Variants in KCNB2 observed in about 807,000 individuals in gnomAD.
KCNB2 encodes the protein delayed rectifier potassium channel protein.
In KCNB2, 15 loss-of-function variants were observed where a neutral mutation model predicts 61.5. The ratio of observed to expected loss-of-function variants is 0.24; its 90% CI spans 0.16 to 0.38. The LOEUF is 0.38. KCNB2 is among the 10% of genes least tolerant of loss of function. KCNB2 has a pLI of 1.00. For synonymous variants in KCNB2, 457 were observed against 446.0 expected (o/e 1.02, Z -0.31); for missense variants, 828 against 1,125.2 (o/e 0.74, Z 3.78).
At chr8:72,651,268 A>G (rs1806207191) in intron 2 of KCNB2, among the ~76,000 whole-genome samples, 1 of 152,154 alleles carries the variant, frequency 6.6e-6, no homozygotes, top group South Asian at 2.1e-4. Context: ...AATTTGACCT[A>G]TAGTTGATTA....
chr8:72,636,601 C>T (rs1371006525), intron 2 of KCNB2, among the ~76,000 whole-genome samples: 15 of 152,088 alleles, frequency 9.9e-5, no homozygotes, highest in African/African-American at 3.4e-4. Context: ...GTTGGAAATA[C>T]GTGGCTCAGA....
rs755487896 is a variant in KCNB2 at position 72,937,838 on chromosome 8, A to T, written c.2483A>T (p.Asp828Val). Residue 828 changes from aspartate to valine, a missense_variant, in exon 3 of 3, where the codon GAC (aspartate) becomes GTC (valine). Physicochemically the swap from Asp to Val is radical, Grantham distance 152. Transcript: ENST00000523207. The stretch of plus-strand genomic sequence containing the variant: ...GGGGCAAGGGAGGAGAAGCAGGTGG[A>T]CTCCAGCCCAAATTGCTTTGCAGAT... ...LPGAREEKQV[D>V]SSPNCFADKP... 6.2e-7 allele frequency: 1 copy of T among 1,613,936 alleles called. No individual in the cohort carries two copies. Among genetic ancestry groups the T allele is most frequent in the East Asian group, 2.2e-5 (1 of 44,846 alleles).
chr8:72,692,207 G>A (rs1163867173), intron 2 of KCNB2, among the ~76,000 whole-genome samples: 2 of 133,590 alleles, frequency 1.5e-5, no homozygotes, highest in Non-Finnish European at 3.1e-5. Context: ...CTGCACTCCA[G>A]CCTGGGTGAC....
chr8:72,847,030 G>T (rs78269982), intron 2 of KCNB2, among the ~76,000 whole-genome samples: 1 of 152,138 alleles, frequency 6.6e-6, no homozygotes, highest in African/African-American at 2.4e-5. Flanking sequence ...ATGATAGACT[G>T]GATTAAGAAA....
Position 72,548,167 on chromosome 8 carries a change from AC to A in KCNB2, c.-94+10284del, listed in dbSNP as rs527762448. Among the ~76,000 whole-genome samples the A allele has an allele frequency of 8.5e-5, 13 of 152,324 alleles. No homozygotes were observed. The East Asian group carries it at 2.5e-3, about 29-fold the overall frequency. On this transcript the variant is annotated intron_variant, in intron 1 of 2. Transcript: ENST00000523207. ...AATACTACAGTATTTTATAAACATTACCTTTACATGCACTGGGAAACCAAAT... is the reference window on the plus strand; with the variant it reads ...AATACTACAGTATTTTATAAACATTACTTTACATGCACTGGGAAACCAAAT...
intron 2 of KCNB2, among the ~76,000 whole-genome samples, chr8:72,752,489 A>G (rs1257995129): frequency 6.6e-6 from 1 of 152,134 alleles, no homozygotes; most frequent in Non-Finnish European, 1.5e-5. Context: ...TTTCTCCCTC[A>G]CTGCTGGAGC....
intron 1 of KCNB2, among the ~76,000 whole-genome samples, chr8:72,550,802 C>G (rs893482114): frequency 2.0e-5 from 3 of 152,042 alleles, no homozygotes; most frequent in Non-Finnish European, 4.4e-5. Context: ...GATGGCAATC[C>G]CAGTAGACAG....
rs546858749 is a variant in KCNB2 at position 72,839,761 on chromosome 8, C to T, written c.580-96174C>T. Among the ~76,000 whole-genome samples, 6 of 151,752 alleles carry T rather than the reference C, an allele frequency of 4.0e-5. No homozygotes were observed. In the East Asian group the frequency reaches 9.7e-4, roughly 25 times the overall value. ...CTGAGTAGCTGGGACTACAGGCGCC[C>T]GCCACCACGCCCGGCTAATTTTTTC... is the stretch of plus-strand genomic sequence containing the variant. On this transcript the variant is annotated intron_variant, in intron 2 of 2. Coordinates refer to ENST00000523207, the MANE Select transcript of KCNB2 (RefSeq NM_004770.3).
At chr8:72,582,516 A>G (rs1806919856) in intron 2 of KCNB2, among the ~76,000 whole-genome samples, 1 of 152,228 alleles carries the variant, frequency 6.6e-6, no homozygotes, top group African/African-American at 2.4e-5. Flanking sequence ...AGAAGTTACA[A>G]ATGTGGATAA....
chr8:72,719,772 A>C (rs1209635684), intron 2 of KCNB2, among the ~76,000 whole-genome samples: 1 of 152,218 alleles, frequency 6.6e-6, no homozygotes, highest in Non-Finnish European at 1.5e-5. Flanking sequence ...GGCTTAAAAA[A>C]AATAAAACAA....
Position 72,923,342 on chromosome 8 carries a change from C to T in KCNB2, c.580-12593C>T, listed in dbSNP as rs556086884. ...CAATGCAGATTTTACCCACAAAAGA[C>T]GGTTTTGTAGGGCCATTTCAAAATA... On this transcript the variant is annotated intron_variant, in intron 2 of 2. Transcript: ENST00000523207. Among the ~76,000 whole-genome samples the T allele has an allele frequency of 1.4e-3, 217 of 152,136 alleles. 1 individual carries two copies. The highest frequency in any genetic ancestry group is 1.0e-2 in the South Asian group (48 of 4,808).
Position 72,805,016 on chromosome 8 carries a change from G to A in KCNB2, c.580-130919G>A, listed in dbSNP as rs185756962. Among the ~76,000 whole-genome samples the A allele has an allele frequency of 5.3e-5, 8 of 152,178 alleles. No homozygotes were observed. In the East Asian group the frequency reaches 1.5e-3, roughly 29 times the overall value. On this transcript the variant is annotated intron_variant, in intron 2 of 2. Transcript: ENST00000523207. The stretch of plus-strand genomic sequence containing the variant: ...AGACATGGCTGCGACTCTTCCGCTG[G>A]GCACTGGGGTCAGATTGCCAGGTTC...
chr8:72,793,768 A>G (rs1271705474), intron 2 of KCNB2, among the ~76,000 whole-genome samples: 1 of 152,228 alleles, frequency 6.6e-6, no homozygotes, highest in African/African-American at 2.4e-5. Context: ...AGCAACGTTA[A>G]CCAGTTTAAC....
intron 2 of KCNB2, among the ~76,000 whole-genome samples, chr8:72,674,180 G>A (rs1376184790): frequency 6.6e-6 from 1 of 152,162 alleles, no homozygotes; most frequent in Admixed American, 6.5e-5. Context: ...TGATGACTGT[G>A]GGGCAAGTTA....
chr8:72,701,287 A>C (rs942824123), intron 2 of KCNB2, among the ~76,000 whole-genome samples: 1 of 152,224 alleles, frequency 6.6e-6, no homozygotes, highest in East Asian at 1.9e-4. Context: ...ATTTCAAACC[A>C]AAACCAAACA....
rs191622072 is a variant in KCNB2, at chr8:72,772,240, G to A, written c.580-163695G>A. Among the ~76,000 whole-genome samples, 7 of 152,288 alleles carry A rather than the reference G, an allele frequency of 4.6e-5. No homozygotes were observed. The East Asian group carries it at 1.2e-3, about 25-fold the overall frequency. On this transcript the variant is annotated intron_variant, in intron 2 of 2. Coordinates refer to ENST00000523207, the MANE Select transcript of KCNB2 (RefSeq NM_004770.3). Reference sequence around the variant, plus strand: ...TATACAGCAGGTCGTACCCACAGGCGTGAGTTAAGCCACAGTTGTCCAAAC... The same window carrying A: ...TATACAGCAGGTCGTACCCACAGGCATGAGTTAAGCCACAGTTGTCCAAAC...
intron 2 of KCNB2, among the ~76,000 whole-genome samples, chr8:72,772,726 G>C (rs547246837): frequency 6.6e-5 from 10 of 152,270 alleles, no homozygotes; most frequent in Admixed American, 4.6e-4. Context: ...ATACCTACAT[G>C]TGATTTACAA....
At chr8:72,710,659 A>G (rs1807311934) in intron 2 of KCNB2, among the ~76,000 whole-genome samples, 1 of 152,166 alleles carries the variant, frequency 6.6e-6, no homozygotes, top group Non-Finnish European at 1.5e-5. Context: ...ACATAGTGAA[A>G]CTACCCAGGA....
At chr8:72,901,997 C>T (rs1283846921) in intron 2 of KCNB2, among the ~76,000 whole-genome samples, 1 of 152,124 alleles carries the variant, frequency 6.6e-6, no homozygotes, top group African/African-American at 2.4e-5. Context: ...GGGAAGTACT[C>T]AACAAGTGAG....
Sources: allele counts gnomAD v4.1 joint callset (sites outside exome capture counted in the v4.1 genomes callset), GRCh38; gene constraint gnomAD v4.1.1; transcripts MANE v1.5; gene names NCBI Gene and HGNC (gene_info 2026-07-23, HGNC 2026-07-21).